Variants in SYCP2 observed in about 807,000 individuals in gnomAD.
SYCP2 encodes synaptonemal complex protein 2, also known as synaptonemal complex lateral element protein.
In SYCP2, 55 loss-of-function variants were observed where a neutral mutation model predicts 211.3. The ratio of observed to expected loss-of-function variants is 0.26; its 90% CI spans 0.21 to 0.33. The LOEUF is 0.33. Among genes scored for constraint, SYCP2 ranks in the 10% least tolerant of loss-of-function variants. The pLI is 1.00. For missense variants in SYCP2, 1,731 were observed against 1,752.0 expected, an observed-to-expected ratio of 0.99 and a Z score of 0.21; for synonymous variants, 570 against 555.2, an observed-to-expected ratio of 1.03 and a Z score of -0.37.
chr20:59,918,763 T>C (rs996501897), intron 7 of SYCP2, among the ~76,000 whole-genome samples: 1 of 152,148 alleles, frequency 6.6e-6, no homozygotes, highest in Non-Finnish European at 1.5e-5. Context: ...AATGAACATT[T>C]ACAATCAATT....
chr20:59,877,247 T>C, intron 33 of SYCP2, 138 bp downstream of exon 33: 1 of 697,648 alleles, frequency 1.4e-6, no homozygotes, highest in Non-Finnish European at 2.1e-6. Flanking sequence ...GGCAAATTTC[T>C]AGAATTATTA....
chr20:59,903,361 GT>G (rs1220865851), intron 15 of SYCP2, among the ~76,000 whole-genome samples: 1 of 152,092 alleles, frequency 6.6e-6, no homozygotes, highest in African/African-American at 2.4e-5. Flanking sequence ...GAAGGAAAGA[GT>G]AAAAACTATT....
intron 24 of SYCP2, among the ~76,000 whole-genome samples, chr20:59,890,164 G>A (rs769747445): frequency 2.0e-5 from 3 of 152,094 alleles, no homozygotes; most frequent in Non-Finnish European, 2.9e-5. Flanking sequence ...GCCCATCAAT[G>A]ATAGACTGGA....
chr20:59,913,963 C>T lies in SYCP2; in HGVS notation c.830+12G>A, dbSNP rs1271474952. 5.7e-6 allele frequency: 9 copies of T among 1,586,884 alleles called. No individual in the cohort carries two copies. Among genetic ancestry groups the T allele is most frequent in the Non-Finnish European group, 7.7e-6 (9 of 1,167,848 alleles). ...TTTGACAGTAAATGGTTGTATCTTG[C>T]ATTAAGTTTACCTTCTTTTGTCTCC... On this transcript the variant is annotated intron_variant, in intron 12 of 44. Coordinates refer to ENST00000357552, the MANE Select transcript of SYCP2 (RefSeq NM_014258.4).
intron 16 of SYCP2, among the ~76,000 whole-genome samples, chr20:59,901,182 T>A (rs956734286): frequency 2.0e-5 from 3 of 152,238 alleles, no homozygotes; most frequent in Admixed American, 1.3e-4. Context: ...GTCTTCCACA[T>A]GCCTGGAAAG....
At chr20:59,868,745 G>T in intron 37 of SYCP2, 90 bp downstream of exon 37, 3 of 1,299,748 alleles carry the variant, frequency 2.3e-6, no homozygotes, top group East Asian at 2.4e-5. Context: ...TTGAATAACG[G>T]TATGACTTAA....
intron 18 of SYCP2, among the ~76,000 whole-genome samples, chr20:59,898,445 A>C (rs2060052868): frequency 6.6e-6 from 1 of 152,206 alleles, no homozygotes; most frequent in Non-Finnish European, 1.5e-5. Flanking sequence ...GGAAACCATC[A>C]TTCTCAGCAA....
chr20:59,884,319 A>G (rs2059744268), intron 26 of SYCP2, among the ~76,000 whole-genome samples: 1 of 152,046 alleles, frequency 6.6e-6, no homozygotes, highest in South Asian at 2.1e-4. Flanking sequence ...GGAAAAAAAT[A>G]TGTGTTAAAT....
Position 59,865,800 on chromosome 20 carries a change from TACTA to T in SYCP2, c.4379+3_4379+6del, listed in dbSNP as rs1198574432. The T allele has an allele frequency of 5.8e-6, 8 of 1,390,968 alleles. No homozygotes were observed. The African/African-American group carries it at 1.0e-4, about 18-fold the overall frequency. The allele number at this position is 1,390,968 out of a possible 1,614,324, so 86.2% of individuals were successfully genotyped here. A position where few individuals can be genotyped will look rare whatever the true frequency, so the allele number is the denominator to read the frequency against. On this transcript the variant is annotated splice_donor_5th_base_variant and intron_variant, in intron 42 of 44. Transcript: ENST00000357552. Reference sequence around the variant, plus strand: ...TAGATTATAGCCATTAAGAATGTCATACTAACCTCTGTTGTTCGCTTTTTTGATA... The same window carrying T: ...TAGATTATAGCCATTAAGAATGTCATACCTCTGTTGTTCGCTTTTTTGATA...
At chr20:59,923,696 T>G (rs1213012870) in intron 2 of SYCP2, among the ~76,000 whole-genome samples, 1 of 151,890 alleles carries the variant, frequency 6.6e-6, no homozygotes, top group Admixed American at 6.6e-5. Flanking sequence ...AGGGAGACTC[T>G]GTCTCTAAAA....
rs201482174 is a variant in SYCP2, at chr20:59,864,316, C to T, written c.4588G>A (p.Val1530Met). The change falls in exon 45 of 45, where the codon GTG (valine) becomes ATG (methionine). Residue 1530 changes from valine to methionine, a missense_variant. Physicochemically the swap from Val to Met is conservative, Grantham distance 21. Coordinates refer to ENST00000357552, the MANE Select transcript of SYCP2 (RefSeq NM_014258.4). ...ATGGTGATAAAAACTAGATTTCACA[C>T]ATTAGCATTTCTTTCATGAGACATG... ...VFMSHERNAN[V>M] 6.3e-7 allele frequency: 1 copy of T among 1,596,196 alleles called. No individual in the cohort carries two copies. The highest frequency in any genetic ancestry group is 8.6e-7 in the Non-Finnish European group (1 of 1,168,126).
chr20:59,931,749 T>G (rs150029862), intron 2 of SYCP2, among the ~76,000 whole-genome samples: 1 of 151,958 alleles, frequency 6.6e-6, no homozygotes, highest in Non-Finnish European at 1.5e-5. Context: ...ACGAAGTCAG[T>G]TGGGGAAAAA....
intron 10 of SYCP2, among the ~76,000 whole-genome samples, chr20:59,914,721 T>C (rs548274587): frequency 1.3e-5 from 2 of 152,108 alleles, no homozygotes; most frequent in East Asian, 3.9e-4. Flanking sequence ...AATAAACACA[T>C]TGTTTAAAAA....
intron 26 of SYCP2, among the ~76,000 whole-genome samples, chr20:59,884,579 G>A (rs1049587097): frequency 6.6e-5 from 10 of 151,954 alleles, no homozygotes; most frequent in Admixed American, 2.6e-4. Context: ...TTATATAGAC[G>A]TATTTGCATT....
chr20:59,881,303 A>T, intron 29 of SYCP2, 134 bp downstream of exon 29: 2 of 616,010 alleles, frequency 3.2e-6, no homozygotes, highest in Non-Finnish European at 5.6e-6. Flanking sequence ...TTGAAGTAAC[A>T]GAATCATAAT....
Position 59,887,109 on chromosome 20 carries a change from G to T in SYCP2, c.2365-275C>A, listed in dbSNP as rs182091197. Among the ~76,000 whole-genome samples the T allele has an allele frequency of 9.1e-4, 139 of 152,006 alleles. 1 individual carries two copies. Among genetic ancestry groups the T allele is most frequent in the African/African-American group, 3.2e-3 (134 of 41,464 alleles). ...GCCAGTGTGCTGCACCCATTAACTC[G>T]TCATTTACATTAGGTATATCTCCTA... On this transcript the variant is annotated intron_variant, in intron 24 of 44. Transcript: ENST00000357552.
intron 18 of SYCP2, 130 bp downstream of exon 18, chr20:59,900,008 G>C (rs1051284640): frequency 9.9e-7 from 1 of 1,006,230 alleles, no homozygotes; most frequent in African/African-American, 1.6e-5. Flanking sequence ...AAAGGTAGGA[G>C]AAACACTCTG....
chr20:59,888,498 T>A (rs1018815381), intron 24 of SYCP2, among the ~76,000 whole-genome samples: 1 of 152,058 alleles, frequency 6.6e-6, no homozygotes, highest in African/African-American at 2.4e-5. Context: ...GGAAACTTTC[T>A]CAGCTTGATA....
Position 59,916,518 on chromosome 20 carries a change from C to T in SYCP2, c.481G>A (p.Asp161Asn). The T allele has an allele frequency of 6.2e-7, 1 of 1,610,608 alleles. No individual in the cohort carries two copies. Among genetic ancestry groups the T allele is most frequent in the Non-Finnish European group, 8.5e-7 (1 of 1,177,128 alleles). The change falls in exon 8 of 45, where the codon GAC (aspartate) becomes AAC (asparagine). Residue 161 changes from aspartate to asparagine, a missense_variant. Physicochemically the swap from Asp to Asn is conservative, Grantham distance 23. Coordinates refer to ENST00000357552, the MANE Select transcript of SYCP2 (RefSeq NM_014258.4). The part of the protein sequence containing the change: ...FVPRICSLVI[D>N]SRVNICIQQE... ...TGAATACAAATATTCACTCTTGAGT[C>T]AATAACCAGGGAACAAATGCGAGGT...
Sources: allele counts gnomAD v4.1 joint callset (sites outside exome capture counted in the v4.1 genomes callset), GRCh38; gene constraint gnomAD v4.1.1; transcripts MANE v1.5; gene names NCBI Gene and HGNC (gene_info 2026-07-23, HGNC 2026-07-21).